PARD3B: variants seen among roughly 807,000 people sequenced by gnomAD.
PARD3B encodes the protein par-3 family cell polarity regulator beta.
Under a neutral mutation model 130.2 loss-of-function variants are expected in PARD3B, and 103 were observed. The observed-to-expected ratio is 0.79, with a 90% CI of 0.67 to 0.93. The LOEUF is 0.93. Among genes scored for constraint, PARD3B ranks in the 40% least tolerant of loss-of-function variants. The pLI is 0.00. For missense variants in PARD3B, 1,609 were observed against 1,499.2 expected, an observed-to-expected ratio of 1.07 and a Z score of -1.21; for synonymous variants, 583 against 553.2, an observed-to-expected ratio of 1.05 and a Z score of -0.76.
chr2:205,182,144 T>A (rs1172066287), intron 13 of PARD3B, among the ~76,000 whole-genome samples: 4 of 151,982 alleles, frequency 2.6e-5, no homozygotes, highest in Admixed American at 2.6e-4. Flanking sequence ...TACAAAAAAT[T>A]AGCTGGGCTT....
intron 22 of PARD3B, among the ~76,000 whole-genome samples, chr2:205,604,567 A>T (rs185909611): frequency 1.3e-4 from 20 of 152,316 alleles, no homozygotes; most frequent in Admixed American, 8.5e-4. Context: ...GTTTCTGCTG[A>T]CAAGTCTGCT....
At position 205,121,661 on chromosome 2, in the gene PARD3B, C is replaced by A; in HGVS notation, c.877C>A (p.Arg293Ser). 1.2e-6 allele frequency: 2 copies of A among 1,614,148 alleles called. No homozygotes were observed. The highest frequency in any genetic ancestry group is 1.7e-6 in the Non-Finnish European group (2 of 1,180,044). ...VLLHVLPPQN[R>S]EQYEKSVIGS... ...CCTCCACGTGCTTCCTCCACAAAAC[C>A]GTGAACAGTATGAAAAGTCAGTCAT... Residue 293 changes from arginine (R) to serine (S), a missense_variant, in exon 8 of 23, where the codon CGT becomes AGT. Transcript: ENST00000406610. The surrounding 1 kb of genome is among the most constrained non-coding windows in gnomAD (Gnocchi z 5.0).
At chr2:204,867,149 G>C (rs550577223) in intron 2 of PARD3B, among the ~76,000 whole-genome samples, 1 of 152,114 alleles carries the variant, frequency 6.6e-6, no homozygotes, top group Admixed American at 6.6e-5. Flanking sequence ...TAAAGCATTT[G>C]TTGATTTTTT....
chr2:204,704,854 A>G (rs2038061192), intron 2 of PARD3B, among the ~76,000 whole-genome samples: 1 of 151,510 alleles, frequency 6.6e-6, no homozygotes, highest in African/African-American at 2.4e-5. Flanking sequence ...CATGCTTGGT[A>G]AGATTCCAAC....
chr2:205,139,693 T>C (rs1276477550), intron 10 of PARD3B, among the ~76,000 whole-genome samples: 1 of 152,154 alleles, frequency 6.6e-6, no homozygotes, highest in African/African-American at 2.4e-5. Flanking sequence ...GTGTACTAGA[T>C]AGAACTTTGT....
intron 3 of PARD3B, among the ~76,000 whole-genome samples, chr2:205,045,816 C>T (rs1698738823): frequency 6.6e-6 from 1 of 151,594 alleles, no homozygotes; most frequent in African/African-American, 2.4e-5. Context: ...CATATATAAA[C>T]ATATATATAT....
At chr2:205,311,376 T>C (rs909482442) in intron 18 of PARD3B, among the ~76,000 whole-genome samples, 14 of 152,220 alleles carry the variant, frequency 9.2e-5, no homozygotes, top group African/African-American at 3.4e-4. Context: ...TTTGCAGTGA[T>C]GTCTCATTGT....
chr2:205,111,923 C>A (rs1053680746), intron 5 of PARD3B, among the ~76,000 whole-genome samples: 1 of 152,028 alleles, frequency 6.6e-6, no homozygotes, highest in Admixed American at 6.6e-5. Flanking sequence ...ACTATAAATT[C>A]TGTTAGTATA....
At chr2:204,998,510 AT>A (rs1694536456) in intron 3 of PARD3B, among the ~76,000 whole-genome samples, 1 of 31,044 alleles carries the variant, frequency 3.2e-5, no homozygotes, top group Non-Finnish European at 8.6e-5. Flanking sequence ...ATGTGTATAT[AT>A]ATATGTGTGT....
Position 204,695,035 on chromosome 2 carries a change from T to C in PARD3B, c.222+8753T>C, listed in dbSNP as rs1369344382. 2.0e-5 allele frequency among the ~76,000 whole-genome samples: 3 copies of C among 152,036 alleles called. No individual in the cohort carries two copies. The East Asian group carries it at 5.8e-4, about 29-fold the overall frequency. On this transcript the variant is annotated intron_variant, in intron 2 of 22. Coordinates refer to ENST00000406610, the MANE Select transcript of PARD3B (RefSeq NM_001302769.2). ...ATGTGTGTAAAATTTTAAGTTTGGTTGGAGGGAAAAACCCAATAAAATTTG... is the reference window on the plus strand; with the variant it reads ...ATGTGTGTAAAATTTTAAGTTTGGTCGGAGGGAAAAACCCAATAAAATTTG...
At chr2:205,354,336 C>T (rs985721626) in intron 18 of PARD3B, among the ~76,000 whole-genome samples, 6 of 151,988 alleles carry the variant, frequency 3.9e-5, no homozygotes, top group Admixed American at 2.0e-4. Context: ...GCAGACAAAA[C>T]CCCTCAGACA....
chr2:205,518,118 T>G (rs574168916), intron 21 of PARD3B, among the ~76,000 whole-genome samples: 2 of 152,206 alleles, frequency 1.3e-5, no homozygotes, highest in Non-Finnish European at 2.9e-5. Context: ...CAGTGTTGAG[T>G]TCAGGTCCTG....
At chr2:204,713,205 A>C (rs1187622462) in intron 2 of PARD3B, among the ~76,000 whole-genome samples, 1 of 152,072 alleles carries the variant, frequency 6.6e-6, no homozygotes, top group African/African-American at 2.4e-5. Context: ...CTAGGCTAGA[A>C]GCATAGGAGG....
chr2:205,009,081 C>A (rs1162897525), intron 3 of PARD3B, among the ~76,000 whole-genome samples: 3 of 152,078 alleles, frequency 2.0e-5, no homozygotes, highest in Admixed American at 6.6e-5. Context: ...TTATATGAAG[C>A]AAATTAAACA....
intron 3 of PARD3B, among the ~76,000 whole-genome samples, chr2:205,020,244 A>G (rs1047126423): frequency 2.0e-5 from 3 of 152,136 alleles, no homozygotes; most frequent in Admixed American, 6.6e-5. Flanking sequence ...CGATGTTAAC[A>G]TCCTTTTTAT....
At chr2:205,522,825 A>G (rs1250029090) in intron 21 of PARD3B, among the ~76,000 whole-genome samples, 5 of 152,148 alleles carry the variant, frequency 3.3e-5, no homozygotes, top group Admixed American at 3.3e-4. Context: ...ATTAAAAGAC[A>G]TTTCAATTTT....
chr2:204,855,544 G>GAAAA (rs1159814030), intron 2 of PARD3B, among the ~76,000 whole-genome samples: 5 of 139,964 alleles, frequency 3.6e-5, no homozygotes, highest in Admixed American at 7.1e-5. Flanking sequence ...CCCTCTAAAA[G>GAAAA]AAAAAAAAAT....
intron 2 of PARD3B, among the ~76,000 whole-genome samples, chr2:204,848,885 T>G (rs2044583125): frequency 6.6e-6 from 1 of 152,076 alleles, no homozygotes; most frequent in Admixed American, 6.6e-5. Flanking sequence ...TTGTTTCTCA[T>G]TTAGAGTTTC....
At position 204,644,938 on chromosome 2, in the gene PARD3B, T is replaced by C. The variant is rs116609312; in HGVS notation, c.121-41243T>C. ...AACCAGTAAATTTTTTTTTTTGTTTTAGTTGCTGCTTTCCTAAGAGAGATA... is the reference window on the plus strand; with the variant it reads ...AACCAGTAAATTTTTTTTTTTGTTTCAGTTGCTGCTTTCCTAAGAGAGATA... On this transcript the variant is annotated intron_variant, in intron 1 of 22. Transcript: ENST00000406610. Among the ~76,000 whole-genome samples the C allele has an allele frequency of 4.2e-3, 634 of 152,110 alleles. 4 individuals carry two copies. Among genetic ancestry groups the C allele is most frequent in the African/African-American group, 0.015 (601 of 41,398 alleles).
Sources: gnomAD v4.1 joint callset for allele counts (sites outside exome capture counted in the v4.1 genomes callset) on GRCh38, gnomAD v4.1.1 for gene constraint, Gnocchi (gnomAD v3.1) non-coding constraint, MANE v1.5 for transcripts, NCBI Gene and HGNC (gene_info 2026-07-23, HGNC 2026-07-21) for gene names.